Variants in FRZB observed in about 807,000 individuals in gnomAD.
FRZB encodes the protein frizzled related protein.
A neutral mutation model predicts 32.5 loss-of-function variants in FRZB; 34 were observed. That is an observed-to-expected ratio of 1.05 (90% CI 0.80 to 1.39). The LOEUF (loss-of-function observed/expected upper bound fraction) is 1.39. Ranked by LOEUF, FRZB falls within the 40% of genes most tolerant of loss-of-function variation. FRZB has a pLI of 0.00. For missense variants in FRZB, 423 were observed against 424.8 expected (o/e 1.00, Z 0.04); for synonymous variants, 170 against 159.2 (o/e 1.07, Z -0.51).
intron 2 of FRZB, among the ~76,000 whole-genome samples, chr2:182,843,103 T>G (rs1695603777): frequency 6.6e-6 from 1 of 152,194 alleles, no homozygotes; most frequent in Non-Finnish European, 1.5e-5. Flanking sequence ...ATAGGTAAAA[T>G]AGCTACCATT....
At chr2:182,845,091 A>T (rs1695625699) in intron 2 of FRZB, among the ~76,000 whole-genome samples, 1 of 152,186 alleles carries the variant, frequency 6.6e-6, no homozygotes, top group Admixed American at 6.5e-5. Flanking sequence ...ATGCTTACTC[A>T]ACCCAAAAAT....
At chr2:182,837,073 A>G (rs1278085457) in intron 5 of FRZB, among the ~76,000 whole-genome samples, 1 of 148,918 alleles carries the variant, frequency 6.7e-6, no homozygotes, top group Non-Finnish European at 1.5e-5. Context: ...TACAGTTCCC[A>G]CTCCCCCCAC....
intron 5 of FRZB, among the ~76,000 whole-genome samples, chr2:182,836,923 G>A (rs1028597145): frequency 6.6e-6 from 1 of 152,016 alleles, no homozygotes; most frequent in Admixed American, 6.6e-5. Context: ...CTACATTTTT[G>A]TAGGTCACTT....
In FRZB at chr2:182,837,114, C is replaced by A. The variant is rs924111159; in HGVS notation, c.861+834G>T. Among the ~76,000 whole-genome samples, 62 of 51,334 alleles carry A rather than the reference C, an allele frequency of 1.2e-3. 1 individual carries two copies. The Admixed American group carries it at 0.018, about 15-fold the overall frequency. 33.7% of individuals were successfully genotyped at this position (51,334 alleles called of 152,430 possible). On this transcript the variant is annotated intron_variant, in intron 5 of 5. Coordinates refer to ENST00000295113, the MANE Select transcript of FRZB (RefSeq NM_001463.4). Reference sequence around the variant, plus strand: ...CACACATCCTTTGAGATTTTTTTGTCCCCCCATGCATTCCCCCACCCCATT... The same window carrying A: ...CACACATCCTTTGAGATTTTTTTGTACCCCCATGCATTCCCCCACCCCATT...
At chr2:182,863,873 A>G (rs917315297) in intron 1 of FRZB, among the ~76,000 whole-genome samples, 2 of 151,756 alleles carry the variant, frequency 1.3e-5, no homozygotes, top group African/African-American at 4.8e-5. Context: ...CCTTCAGGCT[A>G]CAATCTACAC....
At chr2:182,842,382 T>G in intron 3 of FRZB, 96 bp downstream of exon 3, 2 of 848,200 alleles carry the variant, frequency 2.4e-6, no homozygotes, top group Non-Finnish European at 3.9e-6. Context: ...TATTCTTAAA[T>G]GGCTCCACTC....
At chr2:182,860,641 C>T (rs1446319033) in intron 1 of FRZB, among the ~76,000 whole-genome samples, 1 of 152,094 alleles carries the variant, frequency 6.6e-6, no homozygotes, top group Non-Finnish European at 1.5e-5. Flanking sequence ...CCAAGGCAGG[C>T]AGATCATCTG....
At chr2:182,840,142 G>A (rs554843759) in intron 3 of FRZB, among the ~76,000 whole-genome samples, 64 of 152,134 alleles carry the variant, frequency 4.2e-4, no homozygotes, top group Non-Finnish European at 7.4e-4. Flanking sequence ...AACTGTCCTC[G>A]CTTGGTTTGA....
chr2:182,835,252 A>G (rs1373264921), intron 5 of FRZB, among the ~76,000 whole-genome samples: 1 of 152,132 alleles, frequency 6.6e-6, no homozygotes, highest in Non-Finnish European at 1.5e-5. Context: ...ATATCTCCCT[A>G]TATCTCTGGG....
chr2:182,837,825 A>T, intron 5 of FRZB, 123 bp downstream of exon 5: 1 of 693,514 alleles, frequency 1.4e-6, no homozygotes, highest in South Asian at 1.8e-5. Context: ...AAATATATGC[A>T]TACTAAATTT....
At chr2:182,847,939 A>G (rs1382575263) in intron 2 of FRZB, among the ~76,000 whole-genome samples, 1 of 152,148 alleles carries the variant, frequency 6.6e-6, no homozygotes, top group Non-Finnish European at 1.5e-5. Context: ...AGAGGAAGAG[A>G]AAGCAAAGAA....
Position 182,834,677 on chromosome 2 carries a change from GAAGA to G in FRZB, c.*168_*171del. The G allele has an allele frequency of 1.6e-6, 1 of 622,192 alleles. No homozygotes were observed. The highest frequency in any genetic ancestry group is 2.9e-6 in the Non-Finnish European group (1 of 343,378). 38.5% of individuals were successfully genotyped at this position (622,192 alleles called of 1,614,324 possible). ...CCAAACCATTACAAAGGGGTTGAGA[GAAGA>G]GAGAAGCAGAAACCAAAAGAGAAAC... On this transcript the variant is annotated 3_prime_UTR_variant, in exon 6 of 6. Transcript: ENST00000295113.
rs528947810 is a variant in FRZB, at chr2:182,857,541, C to T, written c.526+1245G>A. Among the ~76,000 whole-genome samples the T allele has an allele frequency of 1.5e-4, 23 of 150,536 alleles. No homozygotes were observed. In the South Asian group the frequency reaches 3.3e-3, roughly 22 times the overall value. On this transcript the variant is annotated intron_variant, in intron 2 of 5. Transcript: ENST00000295113. ...AGGCTGAGGCAGAATTGCTTGAACC[C>T]AGGAAGTGGAGGTTGTGGTGAGCTG...
At position 182,851,654 on chromosome 2, in the gene FRZB, T is replaced by C. The variant is rs1574986396; in HGVS notation, c.526+7132A>G. On this transcript the variant is annotated intron_variant, in intron 2 of 5. Coordinates refer to ENST00000295113, the MANE Select transcript of FRZB (RefSeq NM_001463.4). ...CTGAGCAACAGAGTGAGACTCCATC[T>C]CAAAAAAACAAAACAAAACAAAAAA... 2.0e-5 allele frequency among the ~76,000 whole-genome samples: 3 copies of C among 150,208 alleles called. No homozygotes were observed. The East Asian group carries it at 6.0e-4, about 30-fold the overall frequency.
At chr2:182,850,402 A>G (rs1331695416) in intron 2 of FRZB, among the ~76,000 whole-genome samples, 1 of 152,128 alleles carries the variant, frequency 6.6e-6, no homozygotes, top group Non-Finnish European at 1.5e-5. Flanking sequence ...GCCTCTGATA[A>G]CCACAAATCT....
chr2:182,839,854 A>G (rs989553481), intron 3 of FRZB, among the ~76,000 whole-genome samples: 22 of 152,090 alleles, frequency 1.4e-4, no homozygotes, highest in Admixed American at 6.6e-4. Flanking sequence ...TCTTAGGCAC[A>G]TAATTGCAAA....
Position 182,837,968 on chromosome 2 carries a change from G to C in FRZB, c.841C>G (p.Arg281Gly). 6.2e-7 allele frequency: 1 copy of C among 1,611,388 alleles called. No individual in the cohort carries two copies. The highest frequency in any genetic ancestry group is 8.5e-7 in the Non-Finnish European group (1 of 1,178,536). ...CTTACCTTAACTTTTTTACCGAGTC[G>C]ATCCTTCCACTTCTCAGCTATAGAG... ...EGSIAEKWKD[R>G]LGKKVKRWDM... is the part of the protein sequence containing the mutation. The change falls in exon 5 of 6, where the codon CGA (arginine) becomes GGA (glycine). Residue 281 changes from arginine (R) to glycine (G), a missense_variant. Transcript: ENST00000295113.
intron 1 of FRZB, among the ~76,000 whole-genome samples, chr2:182,865,519 C>T (rs1019832027): frequency 6.6e-6 from 1 of 152,122 alleles, no homozygotes; most frequent in African/African-American, 2.4e-5. Context: ...CAAACACATA[C>T]CCCTAACATC....
chr2:182,851,735 T>C (rs1171926027), intron 2 of FRZB, among the ~76,000 whole-genome samples: 1 of 150,872 alleles, frequency 6.6e-6, no homozygotes, highest in Non-Finnish European at 1.5e-5. Context: ...ACTCAAAGAG[T>C]ACCCAGGTAG....
Sources: allele counts gnomAD v4.1 joint callset (sites outside exome capture counted in the v4.1 genomes callset), GRCh38; gene constraint gnomAD v4.1.1; transcripts MANE v1.5; gene names NCBI Gene and HGNC (gene_info 2026-07-23, HGNC 2026-07-21).